The following RNLS variants were observed in gnomAD, a reference collection of about 807,000 sequenced individuals.
RNLS encodes renalase, FAD dependent amine oxidase.
A neutral mutation model predicts 39.8 loss-of-function variants in RNLS; 39 were observed. The observed-to-expected ratio is 0.98, with a 90% CI of 0.76 to 1.28. The LOEUF (loss-of-function observed/expected upper bound fraction) is 1.28. Ranked by LOEUF, RNLS falls within the 50% of genes most tolerant of loss-of-function variation. The pLI is 0.00. For missense variants in RNLS, 410 were observed against 413.3 expected, an observed-to-expected ratio of 0.99 and a Z score of 0.07; for synonymous variants, 147 against 150.7, an observed-to-expected ratio of 0.98 and a Z score of 0.18.
intron 4 of RNLS, among the ~76,000 whole-genome samples, chr10:88,391,411 A>G (rs1283980075): frequency 1.3e-5 from 2 of 152,156 alleles, no homozygotes; most frequent in East Asian, 3.9e-4. Flanking sequence ...TACAAAAATT[A>G]GCCGGGCATG....
chr10:88,300,207 C>G (rs1844410907), intron 6 of RNLS, among the ~76,000 whole-genome samples: 1 of 152,144 alleles, frequency 6.6e-6, no homozygotes, highest in Non-Finnish European at 1.5e-5. Context: ...GATACAAACT[C>G]CACAAGGTGG....
At chr10:88,520,923 G>T (rs545492811) in intron 4 of RNLS, among the ~76,000 whole-genome samples, 1 of 151,858 alleles carries the variant, frequency 6.6e-6, no homozygotes, top group Admixed American at 6.6e-5. Context: ...AACCATCAAA[G>T]TCTTGGCTGG....
intron 4 of RNLS, among the ~76,000 whole-genome samples, chr10:88,419,412 A>C (rs1229705539): frequency 6.6e-6 from 1 of 152,218 alleles, no homozygotes; most frequent in East Asian, 1.9e-4. Context: ...CCAGGATCTG[A>C]GTACTCCTCT....
chr10:88,202,492 C>T, the RNLS span, among the ~76,000 whole-genome samples: 2 of 152,172 alleles, frequency 1.3e-5, no homozygotes, highest in Admixed American at 6.5e-5. Flanking sequence ...TTTTACCCCA[C>T]CCTGTACCAG....
At chr10:88,174,399 G>C in the RNLS span, among the ~76,000 whole-genome samples, 1 of 152,176 alleles carries the variant, frequency 6.6e-6, no homozygotes, top group Non-Finnish European at 1.5e-5. Flanking sequence ...CTGTGGGTTT[G>C]TCATATATGG....
At position 88,556,063 on chromosome 10, in the gene RNLS, G is replaced by A. The variant is rs543548526; in HGVS notation, c.526+16840C>T. The stretch of plus-strand genomic sequence containing the variant: ...ATTAAGCAACTCAAACCCAATCCAA[G>A]ACCAAATTTCTCTTCTTGATTCCCA... On this transcript the variant is annotated intron_variant, in intron 4 of 6. Transcript: ENST00000331772. 2.6e-5 allele frequency among the ~76,000 whole-genome samples: 4 copies of A among 152,122 alleles called. No homozygotes were observed. In the South Asian group the frequency reaches 8.3e-4, roughly 32 times the overall value.
chr10:88,484,528 G>A (rs534495465), intron 4 of RNLS, among the ~76,000 whole-genome samples: 1 of 152,000 alleles, frequency 6.6e-6, no homozygotes, highest in East Asian at 1.9e-4. Flanking sequence ...TTAATAACAA[G>A]GGGAAAAAGA....
rs146675909 is a variant in RNLS, at chr10:88,498,866, C to T, written c.526+74037G>A. ...ATAGGAATTCTTTGTAAATCTTTTT[C>T]GAAGTCTAAAATTATTCCAAAATTA... On this transcript the variant is annotated intron_variant, in intron 4 of 6. Coordinates refer to ENST00000331772, the MANE Select transcript of RNLS (RefSeq NM_001031709.3). Among the ~76,000 whole-genome samples the T allele has an allele frequency of 2.3e-3, 354 of 152,016 alleles. 1 individual carries two copies. The highest frequency in any genetic ancestry group is 7.8e-3 in the African/African-American group (324 of 41,462).
chr10:88,583,179 C>G lies in RNLS; in HGVS notation c.12G>C (p.Val4=). ...CTGTCATCCCGGCGCCCACGATCAG[C>G]ACCTGCGCCATGGCGAGAGGGAGCA... MAQ[V]LIVGAGMTGS... is the part of the protein sequence containing the mutation. The change falls in exon 1 of 7, where the codon GTG becomes GTC. Residue 4 remains valine (V), a synonymous_variant. Transcript: ENST00000331772. The G allele has an allele frequency of 1.1e-5, 17 of 1,613,976 alleles. No homozygotes were observed. The highest frequency in any genetic ancestry group is 1.4e-5 in the Non-Finnish European group (16 of 1,179,922).
At position 88,314,575 on chromosome 10, in the gene RNLS, T is replaced by C; in HGVS notation, c.767A>G (p.Glu256Gly). 1 of 1,613,982 alleles carries C rather than the reference T, an allele frequency of 6.2e-7. No homozygotes were observed. The highest frequency in any genetic ancestry group is 8.5e-7 in the Non-Finnish European group (1 of 1,179,880). ...CTCTTGCACATCCTCAATGCTGTGT[T>C]CCAAGTATGTAACTCCAAATGGGAC... ...TTVPFGVTYL[E>G]HSIEDVQELV... is the part of the protein sequence containing the mutation. The change falls in exon 6 of 7, where the codon GAA becomes GGA. Residue 256 changes from glutamate to glycine, a missense_variant. Physicochemically the swap from Glu to Gly is moderately conservative, Grantham distance 98. Coordinates refer to ENST00000331772, the MANE Select transcript of RNLS (RefSeq NM_001031709.3).
intron 4 of RNLS, among the ~76,000 whole-genome samples, chr10:88,561,806 T>C (rs1363376874): frequency 1.3e-5 from 2 of 152,166 alleles, no homozygotes; most frequent in Non-Finnish European, 2.9e-5. Flanking sequence ...ATTACAAATA[T>C]TGATATCCTT....
chr10:88,366,192 G>T (rs997502558), intron 4 of RNLS, among the ~76,000 whole-genome samples: 4 of 152,090 alleles, frequency 2.6e-5, no homozygotes, highest in Non-Finnish European at 5.9e-5. Context: ...TTTGAGTGAG[G>T]CTATTTTATA....
chr10:88,326,166 C>T (rs1419076513), intron 5 of RNLS, among the ~76,000 whole-genome samples: 13 of 152,056 alleles, frequency 8.5e-5, no homozygotes, highest in Admixed American at 1.3e-4. Context: ...GGTATTGATA[C>T]AAAAATACCT....
At chr10:88,279,268 G>T (rs909656538), downstream of RNLS, among the ~76,000 whole-genome samples, 2 of 152,086 alleles carry the variant, frequency 1.3e-5, no homozygotes, top group Non-Finnish European at 2.9e-5. Flanking sequence ...GCTACCTATA[G>T]ATGTAGTGAC....
In RNLS at chr10:88,340,453, G is replaced by A. The variant is rs1038551578; in HGVS notation, c.700+22099C>T. Among the ~76,000 whole-genome samples, 7 of 151,524 alleles carry A rather than the reference G, an allele frequency of 4.6e-5. No individual in the cohort carries two copies. In the East Asian group the frequency reaches 5.8e-4, roughly 13 times the overall value. Reference sequence around the variant, plus strand: ...AGGATCATTTCCTTTCTCTTTGATGGAGTATATATAGTCTCAAAGTTTACA... The same window carrying A: ...AGGATCATTTCCTTTCTCTTTGATGAAGTATATATAGTCTCAAAGTTTACA... On this transcript the variant is annotated intron_variant, in intron 5 of 6. Transcript: ENST00000331772.
At chr10:88,259,991 C>T in the RNLS span, among the ~76,000 whole-genome samples, 16,123 of 152,102 alleles carry the variant, frequency 0.11, 1,106 homozygotes, top group East Asian at 0.21. Flanking sequence ...CCGCCCGCCT[C>T]GGCCTCCCAA....
intron 6 of RNLS, among the ~76,000 whole-genome samples, chr10:88,276,735 T>C (rs1422918532): frequency 6.6e-6 from 1 of 152,220 alleles, no homozygotes; most frequent in East Asian, 1.9e-4. Flanking sequence ...TTGCTCAAAC[T>C]TGTTAGTTAT....
chr10:88,524,968 T>C (rs865817459), intron 4 of RNLS, among the ~76,000 whole-genome samples: 10,806 of 110,784 alleles, frequency 0.098, 852 homozygotes, highest in East Asian at 0.19. Context: ...TACATATATA[T>C]ATATATATAT....
intron 4 of RNLS, among the ~76,000 whole-genome samples, chr10:88,510,962 T>A (rs1239950168): frequency 6.7e-6 from 1 of 150,326 alleles, no homozygotes; most frequent in African/African-American, 2.4e-5. Flanking sequence ...TTTAAAAAAA[T>A]TCATCCACGT....
Sources: gnomAD v4.1 joint callset for allele counts (sites outside exome capture counted in the v4.1 genomes callset) on GRCh38, gnomAD v4.1.1 for gene constraint, MANE v1.5 for transcripts, NCBI Gene and HGNC (gene_info 2026-07-23, HGNC 2026-07-21) for gene names.